The following LRBA variants were observed in gnomAD, a reference collection of about 807,000 sequenced individuals.
The protein encoded by LRBA is lipopolysaccharide-responsive and beige-like anchor protein.
Under a neutral mutation model 330.0 loss-of-function variants are expected in LRBA, and 176 were observed. That is an observed-to-expected ratio of 0.53 (90% CI 0.47 to 0.60). The LOEUF is 0.60. Among genes scored for constraint, LRBA ranks in the 20% least tolerant of loss-of-function variants. LRBA has a pLI of 0.00. For missense variants in LRBA, 3,259 were observed against 3,444.8 expected, an observed-to-expected ratio of 0.95 and a Z score of 1.35; for synonymous variants, 1,230 against 1,193.0, an observed-to-expected ratio of 1.03 and a Z score of -0.64.
chr4:150,563,586 G>A (rs1404876325), intron 40 of LRBA, among the ~76,000 whole-genome samples: 2 of 152,172 alleles, frequency 1.3e-5, no homozygotes, highest in East Asian at 1.9e-4. Flanking sequence ...AAGAGAGAAA[G>A]TCAAATTGTC....
intron 37 of LRBA, among the ~76,000 whole-genome samples, chr4:150,610,046 A>T (rs893671210): frequency 1.3e-5 from 2 of 152,120 alleles, no homozygotes; most frequent in Non-Finnish European, 2.9e-5. Context: ...TTTTCACCTG[A>T]TTGTTTGTTT....
chr4:150,506,376 AC>A (rs1167132227), intron 40 of LRBA, among the ~76,000 whole-genome samples: 1 of 152,306 alleles, frequency 6.6e-6, no homozygotes, highest in African/African-American at 2.4e-5. Flanking sequence ...AAGCTTATCC[AC>A]CATGATCAAG....
chr4:150,766,866 AAG>A (rs548991476), intron 34 of LRBA, among the ~76,000 whole-genome samples: 211 of 152,326 alleles, frequency 1.4e-3, no homozygotes, highest in African/African-American at 4.8e-3. Context: ...AAAACAAAAC[AAG>A]AGAGTCAATA....
rs146395535 is a variant in LRBA at position 150,390,101 on chromosome 4, T to C, written c.7194+25337A>G. On this transcript the variant is annotated intron_variant, in intron 47 of 56. Transcript: ENST00000651943. The stretch of plus-strand genomic sequence containing the variant: ...GTAATACTTTAGCTTACATCATTAG[T>C]GTAAGATCAATTTATTTGGTTATCA... 2.0e-4 allele frequency among the ~76,000 whole-genome samples: 31 copies of C among 152,184 alleles called. No individual in the cohort carries two copies. In the East Asian group the frequency reaches 5.4e-3, roughly 27 times the overall value.
intron 35 of LRBA, among the ~76,000 whole-genome samples, chr4:150,747,833 G>A (rs1399135731): frequency 2.0e-5 from 3 of 152,190 alleles, no homozygotes; most frequent in Non-Finnish European, 4.4e-5. Context: ...CCAGTTCTAT[G>A]ACTTTTAATC....
chr4:150,523,770 T>C (rs1763172599), intron 40 of LRBA, among the ~76,000 whole-genome samples: 1 of 151,842 alleles, frequency 6.6e-6, no homozygotes, highest in African/African-American at 2.4e-5. Flanking sequence ...GTGGGAAGAG[T>C]AGGAATTAAG....
chr4:150,964,058 C>T (rs1466523081), intron 2 of LRBA, among the ~76,000 whole-genome samples: 8 of 146,498 alleles, frequency 5.5e-5, no homozygotes, highest in East Asian at 2.0e-4. Context: ...TGAGCCCCTC[C>T]GCCCGGCAGC....
chr4:150,825,401 T>C (rs1560872238), intron 30 of LRBA, among the ~76,000 whole-genome samples: 2 of 151,588 alleles, frequency 1.3e-5, no homozygotes, highest in South Asian at 4.2e-4. Context: ...AGTTTTGCTC[T>C]TGTTGCCCAG....
chr4:150,550,050 T>TA (rs1324801217), intron 40 of LRBA, among the ~76,000 whole-genome samples: 1 of 152,218 alleles, frequency 6.6e-6, no homozygotes, highest in Non-Finnish European at 1.5e-5. Flanking sequence ...AATTTTAATA[T>TA]AGCAGAGAAT....
At chr4:150,529,947 T>G (rs1763887850) in intron 40 of LRBA, among the ~76,000 whole-genome samples, 1 of 152,214 alleles carries the variant, frequency 6.6e-6, no homozygotes, top group Admixed American at 6.5e-5. Flanking sequence ...CTAGAGTATT[T>G]AAAAACTAGT....
intron 2 of LRBA, among the ~76,000 whole-genome samples, chr4:150,948,581 T>G (rs1736476458): frequency 6.6e-6 from 1 of 151,920 alleles, no homozygotes; most frequent in Admixed American, 6.6e-5. Context: ...AAAAGCAAGA[T>G]CCATACAGGG....
intron 37 of LRBA, among the ~76,000 whole-genome samples, chr4:150,641,250 T>C (rs1472969181): frequency 6.6e-6 from 1 of 152,202 alleles, no homozygotes; most frequent in Non-Finnish European, 1.5e-5. Flanking sequence ...ATCCTCAAAA[T>C]GTAATAAGAA....
intron 40 of LRBA, among the ~76,000 whole-genome samples, chr4:150,496,763 A>G (rs373618582): frequency 2.0e-5 from 3 of 152,234 alleles, no homozygotes; most frequent in East Asian, 1.9e-4. Flanking sequence ...TGTTAAGAAT[A>G]AAATCAGGTA....
chr4:150,768,927 C>CTTTTTTT lies in LRBA; in HGVS notation c.5581-7087_5581-7081dup, dbSNP rs70941440. 1.9e-4 allele frequency among the ~76,000 whole-genome samples: 14 copies of CTTTTTTT among 75,028 alleles called. 1 individual carries two copies. Among genetic ancestry groups the CTTTTTTT allele is most frequent in the African/African-American group, 5.6e-4 (11 of 19,668 alleles). The allele number at this position is 75,028 out of a possible 152,430, so 49.2% of individuals were successfully genotyped here. ...TAGGGATTTTATCAAGTGCTGTCTC[C>CTTTTTTT]TTTTTTTTTTTTTTTTTTTTTTTTT... On this transcript the variant is annotated intron_variant, in intron 34 of 56. Coordinates refer to ENST00000651943, the MANE Select transcript of LRBA (RefSeq NM_001364905.1).
chr4:150,793,984 T>C (rs1302159359), intron 34 of LRBA, among the ~76,000 whole-genome samples: 1 of 152,196 alleles, frequency 6.6e-6, no homozygotes, highest in Non-Finnish European at 1.5e-5. Context: ...TTGTGGTAAA[T>C]TCTATAATTG....
At chr4:151,010,361 T>G (rs1579492812) in intron 2 of LRBA, among the ~76,000 whole-genome samples, 1 of 152,310 alleles carries the variant, frequency 6.6e-6, no homozygotes, top group East Asian at 1.9e-4. Context: ...GACAAATTAC[T>G]TTAAAATACA....
intron 36 of LRBA, among the ~76,000 whole-genome samples, chr4:150,722,995 G>A (rs1024372041): frequency 6.6e-6 from 1 of 152,064 alleles, no homozygotes; most frequent in Non-Finnish European, 1.5e-5. Context: ...TCCATAGAGG[G>A]AGCATGAGGA....
chr4:150,679,456 G>A (rs1439563712), intron 37 of LRBA: 1 of 152,104 alleles, frequency 6.6e-6, no homozygotes, highest in Non-Finnish European at 1.5e-5. Context: ...TCAATACAGA[G>A]GCATACTGTT....
chr4:150,545,283 C>G (rs915635107), intron 40 of LRBA, among the ~76,000 whole-genome samples: 2 of 151,988 alleles, frequency 1.3e-5, no homozygotes, highest in African/African-American at 4.8e-5. Context: ...AAAATAAATA[C>G]AAAAGTTTAA....
Sources: allele counts gnomAD v4.1 joint callset (sites outside exome capture counted in the v4.1 genomes callset), GRCh38; gene constraint gnomAD v4.1.1; transcripts MANE v1.5; gene names NCBI Gene and HGNC (gene_info 2026-07-23, HGNC 2026-07-21).